Variants in GMDS observed in about 807,000 individuals in gnomAD.
The protein encoded by GMDS is GDP-mannose 4,6 dehydratase.
Under a neutral mutation model 49.9 loss-of-function variants are expected in GMDS, and 20 were observed. The ratio of observed to expected loss-of-function variants is 0.40; its 90% CI spans 0.28 to 0.58. GMDS has a LOEUF of 0.58. Among genes scored for constraint, GMDS ranks in the 20% least tolerant of loss-of-function variants. GMDS has a pLI of 0.42. For missense variants in GMDS, 362 were observed against 481.4 expected (o/e 0.75, Z 2.32); for synonymous variants, 177 against 178.6 (o/e 0.99, Z 0.07).
chr6:2,176,161 A>T (rs1441514731), intron 1 of GMDS, among the ~76,000 whole-genome samples: 1 of 152,206 alleles, frequency 6.6e-6, no homozygotes, highest in East Asian at 1.9e-4. Flanking sequence ...ACTTTTGCTG[A>T]TTGACAAATA....
chr6:2,101,615 G>A (rs1390880519), intron 4 of GMDS, among the ~76,000 whole-genome samples: 3 of 151,912 alleles, frequency 2.0e-5, no homozygotes, highest in African/African-American at 4.8e-5. Flanking sequence ...CAAGAAAGAC[G>A]AAATATGAGC....
chr6:1,739,084 ATGCC>A (rs1470857824), intron 8 of GMDS, among the ~76,000 whole-genome samples: 5 of 152,250 alleles, frequency 3.3e-5, no homozygotes, highest in African/African-American at 9.6e-5. Flanking sequence ...GAAGGAGACG[ATGCC>A]CACAGGCATG....
intron 9 of GMDS, among the ~76,000 whole-genome samples, chr6:1,681,360 C>A (rs1191831205): frequency 6.6e-6 from 1 of 152,152 alleles, no homozygotes; most frequent in Non-Finnish European, 1.5e-5. Flanking sequence ...TGGGATATGT[C>A]ACTGCATTTT....
At chr6:1,984,293 T>A (rs1249413067) in intron 4 of GMDS, among the ~76,000 whole-genome samples, 2 of 152,116 alleles carry the variant, frequency 1.3e-5, no homozygotes, top group African/African-American at 2.4e-5. Flanking sequence ...ACCTAGATGA[T>A]GAGATGATCT....
At chr6:1,899,626 A>ACTT in intron 7 of GMDS, among the ~76,000 whole-genome samples, 1 of 152,376 alleles carries the variant, frequency 6.6e-6, no homozygotes, top group South Asian at 2.1e-4. Flanking sequence ...ACTATAAAAA[A>ACTT]TATTACATTT....
chr6:1,906,019 A>G (rs1460079904), intron 7 of GMDS, among the ~76,000 whole-genome samples: 4 of 152,166 alleles, frequency 2.6e-5, no homozygotes, highest in Non-Finnish European at 1.5e-5. Flanking sequence ...TCACAGATCC[A>G]CACAGAACAG....
chr6:1,872,874 G>A (rs1268434119), intron 7 of GMDS, among the ~76,000 whole-genome samples: 1 of 152,270 alleles, frequency 6.6e-6, no homozygotes, highest in Admixed American at 6.5e-5. Context: ...GCCCCCGACA[G>A]CTGTTTACAA....
rs1268044079 is a variant in GMDS at position 1,652,709 on chromosome 6, T to TAG, written c.988-28170_988-28169insCT. 5.5e-5 allele frequency among the ~76,000 whole-genome samples: 2 copies of TAG among 36,486 alleles called. 1 individual carries two copies. The highest frequency in any genetic ancestry group is 2.0e-4 in the African/African-American group (2 of 9,794). 23.9% of individuals were successfully genotyped at this position (36,486 alleles called of 152,430 possible). ...TTATATATAATATATTATATATATA[T>TAG]ATATATATATAGAGAGAGAGAGAGA... On this transcript the variant is annotated intron_variant, in intron 9 of 10. Coordinates refer to ENST00000380815, the MANE Select transcript of GMDS (RefSeq NM_001500.4).
chr6:2,076,406 A>G (rs1390649655), intron 4 of GMDS, among the ~76,000 whole-genome samples: 1 of 152,058 alleles, frequency 6.6e-6, no homozygotes, highest in African/African-American at 2.4e-5. Flanking sequence ...TTGGAAAAAA[A>G]CTACTTTAAA....
intron 7 of GMDS, among the ~76,000 whole-genome samples, chr6:1,757,752 T>A (rs1451401033): frequency 5.3e-5 from 8 of 152,190 alleles, no homozygotes; most frequent in African/African-American, 1.4e-4. Flanking sequence ...TTAAGGTGGA[T>A]GTAGACAGGA....
intron 4 of GMDS, among the ~76,000 whole-genome samples, chr6:2,034,521 A>G (rs1321492046): frequency 6.6e-6 from 1 of 152,148 alleles, no homozygotes; most frequent in East Asian, 1.9e-4. Context: ...AAAACTACTG[A>G]ATGTTGTACT....
intron 7 of GMDS, among the ~76,000 whole-genome samples, chr6:1,873,854 C>A (rs978599512): frequency 1.3e-5 from 2 of 152,180 alleles, no homozygotes; most frequent in Non-Finnish European, 2.9e-5. Context: ...AGACAAGTGC[C>A]AACCTCTACC....
chr6:2,185,537 C>G (rs1183877963), intron 1 of GMDS, among the ~76,000 whole-genome samples: 1 of 152,168 alleles, frequency 6.6e-6, no homozygotes, highest in Non-Finnish European at 1.5e-5. Flanking sequence ...GAGCCAACAA[C>G]AATAAATACA....
chr6:1,728,587 A>C (rs1383918879), intron 8 of GMDS, among the ~76,000 whole-genome samples: 2 of 152,202 alleles, frequency 1.3e-5, no homozygotes, highest in Non-Finnish European at 2.9e-5. Context: ...TCTATTTATA[A>C]TTCAATTTTT....
intron 4 of GMDS, among the ~76,000 whole-genome samples, chr6:2,084,998 T>C (rs909573037): frequency 6.6e-6 from 1 of 152,128 alleles, no homozygotes; most frequent in Non-Finnish European, 1.5e-5. Context: ...AGCAACCCTA[T>C]CATTTTTCAA....
intron 4 of GMDS, among the ~76,000 whole-genome samples, chr6:2,065,577 G>A (rs1370565688): frequency 6.6e-6 from 1 of 152,168 alleles, no homozygotes; most frequent in East Asian, 1.9e-4. Context: ...AGTGCTTAAA[G>A]GAGCTGATGG....
intron 4 of GMDS, among the ~76,000 whole-genome samples, chr6:1,999,286 T>C (rs970047844): frequency 7.0e-6 from 1 of 142,448 alleles, no homozygotes; most frequent in Admixed American, 7.5e-5. Context: ...TGCACCACTG[T>C]ACTACAGCCT....
chr6:1,737,358 G>A (rs562180419), intron 8 of GMDS, among the ~76,000 whole-genome samples: 1 of 152,218 alleles, frequency 6.6e-6, no homozygotes, highest in South Asian at 2.1e-4. Context: ...GCCTGTTTGG[G>A]TTATCCTACT....
In GMDS at chr6:2,051,891, G is replaced by A. The variant is rs1385993759; in HGVS notation, c.345+63880C>T. ...GCCAGCACTTTGGGAGGCCTAGGCGGGCAGATCACGAGGTCAGGAGTTCAA... is the reference window on the plus strand; with the variant it reads ...GCCAGCACTTTGGGAGGCCTAGGCGAGCAGATCACGAGGTCAGGAGTTCAA... On this transcript the variant is annotated intron_variant, in intron 4 of 10. Coordinates refer to ENST00000380815, the MANE Select transcript of GMDS (RefSeq NM_001500.4). 3.3e-5 allele frequency among the ~76,000 whole-genome samples: 5 copies of A among 151,942 alleles called. No homozygotes were observed. The East Asian group carries it at 9.7e-4, about 29-fold the overall frequency.
Sources: allele counts gnomAD v4.1 joint callset (sites outside exome capture counted in the v4.1 genomes callset), GRCh38; gene constraint gnomAD v4.1.1; transcripts MANE v1.5; gene names NCBI Gene and HGNC (gene_info 2026-07-23, HGNC 2026-07-21).